LRRC4C: variants seen among roughly 807,000 people sequenced by gnomAD.
LRRC4C encodes leucine-rich repeat-containing protein 4C.
A neutral mutation model predicts 33.6 loss-of-function variants in LRRC4C; 5 were observed. The observed-to-expected ratio is 0.15, with a 90% CI of 0.08 to 0.31. The LOEUF (loss-of-function observed/expected upper bound fraction) is 0.31. Ranked by LOEUF, LRRC4C falls within the 10% of genes least tolerant of loss-of-function variation. LRRC4C has a pLI of 1.00. For synonymous variants in LRRC4C, 329 were observed against 302.0 expected, an observed-to-expected ratio of 1.09 and a Z score of -0.93; for missense variants, 560 against 796.7, an observed-to-expected ratio of 0.70 and a Z score of 3.58.
At chr11:40,475,947 C>T (rs188022223) in intron 3 of LRRC4C, among the ~76,000 whole-genome samples, 1 of 152,208 alleles carries the variant, frequency 6.6e-6, no homozygotes, top group Admixed American at 6.5e-5. Flanking sequence ...ACATGTGAGA[C>T]TCAATAATTT....
intron 1 of LRRC4C, among the ~76,000 whole-genome samples, chr11:41,267,520 G>A (rs189921849): frequency 1.3e-5 from 2 of 152,266 alleles, no homozygotes; most frequent in East Asian, 3.9e-4. Context: ...CTAGCACGAT[G>A]CGTGGTAACC....
intron 3 of LRRC4C, among the ~76,000 whole-genome samples, chr11:40,572,519 T>C (rs974334078): frequency 1.3e-5 from 2 of 152,204 alleles, no homozygotes; most frequent in Admixed American, 1.3e-4. Flanking sequence ...GCTTGAGGTT[T>C]ACAGCTGAAT....
intron 1 of LRRC4C, among the ~76,000 whole-genome samples, chr11:41,276,811 A>G (rs981539445): frequency 9.9e-5 from 15 of 152,174 alleles, no homozygotes; most frequent in African/African-American, 3.4e-4. Flanking sequence ...AAAGATATGT[A>G]AAGCTACAAG....
intron 3 of LRRC4C, among the ~76,000 whole-genome samples, chr11:40,399,482 A>G (rs1465902623): frequency 1.3e-5 from 2 of 151,782 alleles, no homozygotes; most frequent in African/African-American, 2.4e-5. Context: ...GAATTGAACA[A>G]TGAGAACACA....
intron 2 of LRRC4C, among the ~76,000 whole-genome samples, chr11:40,724,599 T>G (rs778107955): frequency 3.9e-5 from 6 of 152,136 alleles, no homozygotes; most frequent in Non-Finnish European, 7.4e-5. Flanking sequence ...CTCTGGGATG[T>G]GGCAAAAACC....
At chr11:40,280,382 C>G (rs999025597) in intron 4 of LRRC4C, among the ~76,000 whole-genome samples, 14 of 152,186 alleles carry the variant, frequency 9.2e-5, no homozygotes, top group Non-Finnish European at 1.8e-4. Flanking sequence ...CTAATGAGAC[C>G]CATTTCACAA....
chr11:41,035,060 T>C (rs924266426), intron 1 of LRRC4C, among the ~76,000 whole-genome samples: 8 of 151,522 alleles, frequency 5.3e-5, no homozygotes, highest in East Asian at 3.9e-4. Context: ...GTTTGTTACA[T>C]AGGTATTTTA....
At chr11:40,526,904 G>A (rs1384900269) in intron 3 of LRRC4C, among the ~76,000 whole-genome samples, 1 of 152,056 alleles carries the variant, frequency 6.6e-6, no homozygotes, top group Admixed American at 6.6e-5. Flanking sequence ...AGAATAAACA[G>A]GTAGATGAAT....
chr11:40,636,197 G>A (rs1387065310), intron 3 of LRRC4C, among the ~76,000 whole-genome samples: 1 of 152,084 alleles, frequency 6.6e-6, no homozygotes, highest in African/African-American at 2.4e-5. Flanking sequence ...AGCCAAGGAG[G>A]TTTTCTCCCA....
intron 3 of LRRC4C, among the ~76,000 whole-genome samples, chr11:40,469,028 C>T (rs539030908): frequency 3.9e-5 from 6 of 152,324 alleles, no homozygotes; most frequent in South Asian, 4.1e-4. Flanking sequence ...CCCCACAAAG[C>T]AGTGACATGT....
At chr11:40,779,339 T>C (rs1950130215) in intron 2 of LRRC4C, among the ~76,000 whole-genome samples, 1 of 152,168 alleles carries the variant, frequency 6.6e-6, no homozygotes, top group African/African-American at 2.4e-5. Context: ...GAGGCATACA[T>C]CCCAGAATGT....
intron 2 of LRRC4C, among the ~76,000 whole-genome samples, chr11:40,674,330 G>A (rs911631001): frequency 1.4e-4 from 22 of 152,150 alleles, no homozygotes; most frequent in African/African-American, 5.3e-4. Context: ...CTTCTTATAT[G>A]AAGTTTGGTA....
intron 2 of LRRC4C, among the ~76,000 whole-genome samples, chr11:40,831,615 C>A (rs1005370739): frequency 1.9e-4 from 29 of 151,840 alleles, no homozygotes; most frequent in African/African-American, 7.0e-4. Context: ...TGAAGAAATA[C>A]CCGAGACTGG....
At chr11:41,129,362 A>G (rs181887331) in intron 1 of LRRC4C, among the ~76,000 whole-genome samples, 7 of 151,990 alleles carry the variant, frequency 4.6e-5, no homozygotes, top group African/African-American at 1.7e-4. Context: ...TCTATTTTTT[A>G]ATATTATGCT....
intron 6 of LRRC4C, among the ~76,000 whole-genome samples, chr11:40,119,814 C>A (rs72885375): frequency 0.029 from 4,408 of 152,162 alleles, 85 homozygotes; most frequent in Middle Eastern, 0.034. Flanking sequence ...CCAGCCAATC[C>A]AAAGGTCAAA....
chr11:40,559,960 A>G (rs781667814), intron 3 of LRRC4C, among the ~76,000 whole-genome samples: 8 of 152,136 alleles, frequency 5.3e-5, no homozygotes, highest in Non-Finnish European at 1.0e-4. Flanking sequence ...CTTGAAGTTT[A>G]TGGCTGCCTT....
intron 2 of LRRC4C, among the ~76,000 whole-genome samples, chr11:40,747,376 C>G (rs1329011094): frequency 6.6e-6 from 1 of 152,010 alleles, no homozygotes; most frequent in South Asian, 2.1e-4. Flanking sequence ...ACTACCCAAC[C>G]AAAACCATAG....
chr11:40,367,433 C>T (rs1029630460), intron 3 of LRRC4C, among the ~76,000 whole-genome samples: 1 of 152,054 alleles, frequency 6.6e-6, no homozygotes, highest in Admixed American at 6.6e-5. Context: ...GCATAATGTA[C>T]AACATTTTGA....
intron 1 of LRRC4C, among the ~76,000 whole-genome samples, chr11:41,316,021 G>T (rs573555621): frequency 2.0e-5 from 3 of 152,126 alleles, no homozygotes; most frequent in African/African-American, 7.2e-5. Flanking sequence ...CTAGAATTTT[G>T]TTATGGGACC....
Sources: gnomAD v4.1 joint callset for allele counts (sites outside exome capture counted in the v4.1 genomes callset) on GRCh38, gnomAD v4.1.1 for gene constraint, MANE v1.5 for transcripts, NCBI Gene and HGNC (gene_info 2026-07-23, HGNC 2026-07-21) for gene names.